The following EMB variants were observed in gnomAD, a reference collection of about 807,000 sequenced individuals.
EMB encodes embigin homolog.
In EMB, 31 loss-of-function variants were observed where a neutral mutation model predicts 41.4. The observed-to-expected ratio is 0.75, with a 90% CI of 0.56 to 1.01. EMB has a LOEUF of 1.01. EMB is among the 50% of genes least tolerant of loss of function. The pLI, the probability that EMB is intolerant of heterozygous loss-of-function variation, is 0.00. For synonymous variants in EMB, 137 were observed against 140.4 expected, an observed-to-expected ratio of 0.98 and a Z score of 0.17; for missense variants, 379 against 388.3, an observed-to-expected ratio of 0.98 and a Z score of 0.20.
intron 2 of EMB, 101 bp downstream of exon 2, chr5:50,428,043 G>A: frequency 1.3e-6 from 1 of 759,856 alleles, no homozygotes. Flanking sequence ...GCCAGGAACA[G>A]GGATTACCAC....
At chr5:50,409,053 A>C (rs1168218602) in intron 4 of EMB, among the ~76,000 whole-genome samples, 1 of 152,138 alleles carries the variant, frequency 6.6e-6, no homozygotes, top group Non-Finnish European at 1.5e-5. Flanking sequence ...CAACTAGAAA[A>C]GAAAAAAAAG....
chr5:50,441,640 G>C (rs537799631), upstream of EMB, among the ~76,000 whole-genome samples: 2 of 152,166 alleles, frequency 1.3e-5, no homozygotes, highest in African/African-American at 4.8e-5. Context: ...GCTTTCTTAC[G>C]AGGGAGGCTT....
intron 2 of EMB, among the ~76,000 whole-genome samples, chr5:50,426,358 C>G (rs1745610199): frequency 6.6e-6 from 1 of 152,186 alleles, no homozygotes; most frequent in Non-Finnish European, 1.5e-5. Flanking sequence ...CTTAGAAATA[C>G]AAACATGGTA....
intron 7 of EMB, among the ~76,000 whole-genome samples, chr5:50,401,406 C>T (rs1745160525): frequency 6.6e-6 from 1 of 152,040 alleles, no homozygotes; most frequent in African/African-American, 2.4e-5. Flanking sequence ...GGCTGATAAA[C>T]TCTAAGTGCC....
rs111626642 is a variant in EMB at position 50,424,907 on chromosome 5, G to A, written c.196+3237C>T. Among the ~76,000 whole-genome samples the A allele has an allele frequency of 1.9e-3, 285 of 152,018 alleles. 3 individuals are homozygous for A. Among genetic ancestry groups the A allele is most frequent in the Middle Eastern group, 6.8e-3 (2 of 294 alleles). Reference sequence around the variant, plus strand: ...GATATTAAAAAAACAAAAGTTGATCGCAGCCACTGCCACTTGTGTTGCTAT... The same window carrying A: ...GATATTAAAAAAACAAAAGTTGATCACAGCCACTGCCACTTGTGTTGCTAT... On this transcript the variant is annotated intron_variant, in intron 2 of 8. Coordinates refer to ENST00000303221, the MANE Select transcript of EMB (RefSeq NM_198449.3).
upstream of EMB, chr5:50,441,406 G>A (rs1745912149): frequency 3.2e-6 from 1 of 312,812 alleles, no homozygotes. Context: ...GATGTGCGGT[G>A]GCGGTGCTAC....
chr5:50,406,991 T>A (rs1333219624), intron 4 of EMB, among the ~76,000 whole-genome samples: 1 of 151,962 alleles, frequency 6.6e-6, no homozygotes, highest in Non-Finnish European at 1.5e-5. Flanking sequence ...GATGCACTAG[T>A]GCATTACTAG....
intron 2 of EMB, among the ~76,000 whole-genome samples, chr5:50,416,038 T>C (rs1745425078): frequency 1.3e-5 from 2 of 152,226 alleles, no homozygotes; most frequent in Non-Finnish European, 2.9e-5. Context: ...TTTCCTATAA[T>C]ACTTTGCAGG....
At chr5:50,406,373 A>T (rs1297064019) in intron 4 of EMB, among the ~76,000 whole-genome samples, 1 of 151,916 alleles carries the variant, frequency 6.6e-6, no homozygotes, top group Non-Finnish European at 1.5e-5. Flanking sequence ...AGCGTAAGAA[A>T]GAAAATAAGA....
intron 4 of EMB, among the ~76,000 whole-genome samples, chr5:50,409,686 G>A (rs764682579): frequency 1.3e-5 from 2 of 151,604 alleles, no homozygotes; most frequent in African/African-American, 4.8e-5. Flanking sequence ...GGAAAGAGGA[G>A]GGGAAGGGCA....
At chr5:50,409,704 C>T (rs1042317022) in intron 4 of EMB, among the ~76,000 whole-genome samples, 1 of 147,502 alleles carries the variant, frequency 6.8e-6, no homozygotes, top group Non-Finnish European at 1.5e-5. Context: ...GCAGATGGGG[C>T]AGGGGAGGGA....
At chr5:50,410,850 A>C (rs757729611) in intron 4 of EMB, 27 bp downstream of exon 4, 1 of 1,352,880 alleles carries the variant, frequency 7.4e-7, no homozygotes. Flanking sequence ...GAAGTTATTA[A>C]CTATTCCTCA....
At chr5:50,428,459 A>T in intron 1 of EMB, 1 of 1,155,086 alleles carries the variant, frequency 8.7e-7, no homozygotes. Flanking sequence ...ACTGACTTAC[A>T]TCAGATGGCT....
intron 1 of EMB, among the ~76,000 whole-genome samples, chr5:50,434,426 C>T (rs1745770948): frequency 6.6e-6 from 1 of 152,186 alleles, no homozygotes; most frequent in African/African-American, 2.4e-5. Flanking sequence ...TGCCACCCTT[C>T]TCTCCCAAGA....
At chr5:50,429,966 C>CT (rs1445074508) in intron 1 of EMB, among the ~76,000 whole-genome samples, 1 of 85,142 alleles carries the variant, frequency 1.2e-5, no homozygotes, top group Admixed American at 1.1e-4. Context: ...CCCCAACTCT[C>CT]TTTCTCTCTC....
intron 5 of EMB, among the ~76,000 whole-genome samples, chr5:50,404,018 C>A (rs895078420): frequency 3.3e-5 from 5 of 151,842 alleles, no homozygotes; most frequent in African/African-American, 1.2e-4. Flanking sequence ...AACTGCACAC[C>A]TTCTGTCTTT....
At chr5:50,401,595 G>C (rs908502336) in intron 7 of EMB, among the ~76,000 whole-genome samples, 2 of 151,892 alleles carry the variant, frequency 1.3e-5, no homozygotes, top group African/African-American at 4.8e-5. Flanking sequence ...GAGGAATTCG[G>C]AACTCCCATC....
chr5:50,402,443 GGA>G, intron 6 of EMB, 124 bp from the exon 7 acceptor site: 1 of 855,768 alleles, frequency 1.2e-6, no homozygotes, highest in Non-Finnish European at 1.9e-6. Context: ...TTGGAATGAA[GGA>G]GAGACATGCT....
chr5:50,425,710 C>CT (rs750900876), intron 2 of EMB, among the ~76,000 whole-genome samples: 31 of 149,808 alleles, frequency 2.1e-4, no homozygotes, highest in South Asian at 1.9e-3. Context: ...TTCTTTATTT[C>CT]TGGGGGGGCA....
Sources: gnomAD v4.1 joint callset for allele counts (sites outside exome capture counted in the v4.1 genomes callset) on GRCh38, gnomAD v4.1.1 for gene constraint, MANE v1.5 for transcripts, NCBI Gene and HGNC (gene_info 2026-07-23, HGNC 2026-07-21) for gene names.